Variants in ROBO2 observed in about 807,000 individuals in gnomAD.
The protein encoded by ROBO2 is roundabout homolog 2.
Under a neutral mutation model 160.8 loss-of-function variants are expected in ROBO2, and 53 were observed. The observed-to-expected ratio is 0.33, with a 90% CI of 0.26 to 0.41. The LOEUF (loss-of-function observed/expected upper bound fraction) is 0.41. Ranked by LOEUF, ROBO2 falls within the 10% of genes least tolerant of loss-of-function variation. The pLI is 1.00. For missense variants in ROBO2, 1,577 were observed against 1,722.4 expected (o/e 0.92, Z 1.49); for synonymous variants, 664 against 611.7 (o/e 1.09, Z -1.26).
chr3:76,418,175 G>C (rs1471494933), intron 2 of ROBO2, among the ~76,000 whole-genome samples: 1 of 151,274 alleles, frequency 6.6e-6, no homozygotes, highest in African/African-American at 2.4e-5. Context: ...ATATAACTAG[G>C]GACTTGCCAA....
At chr3:76,359,582 G>T (rs973823784) in intron 2 of ROBO2, among the ~76,000 whole-genome samples, 2 of 151,872 alleles carry the variant, frequency 1.3e-5, no homozygotes, top group African/African-American at 4.8e-5. Flanking sequence ...ATCCATACAG[G>T]TTTTATACAT....
At chr3:76,665,986 GTAA>G (rs2092018992) in intron 2 of ROBO2, among the ~76,000 whole-genome samples, 1 of 134,596 alleles carries the variant, frequency 7.4e-6, no homozygotes, top group African/African-American at 2.8e-5. Context: ...ATATATACAT[GTAA>G]TATATATAAT....
In ROBO2 at chr3:76,766,875, C is replaced by T. The variant is rs147683650; in HGVS notation, c.110-331139C>T. Among the ~76,000 whole-genome samples, 275 of 151,522 alleles carry T rather than the reference C, an allele frequency of 1.8e-3. 1 individual carries two copies. The highest frequency in any genetic ancestry group is 6.4e-3 in the African/African-American group (264 of 41,436). ...GACTATGGAACTGTAGACTGTGTAT[C>T]TTGACTCTAATATTGACTTTCTGAA... On this transcript the variant is annotated intron_variant, in intron 2 of 26. Coordinates refer to the ROBO2 transcript ENST00000487694.
chr3:76,693,511 C>A (rs2107283187), intron 2 of ROBO2, among the ~76,000 whole-genome samples: 1 of 150,796 alleles, frequency 6.6e-6, no homozygotes, highest in East Asian at 2.0e-4. Context: ...AGATGAAATT[C>A]TTTGTGGAAA....
At chr3:76,821,443 C>T (rs768417550) in intron 2 of ROBO2, among the ~76,000 whole-genome samples, 10 of 152,020 alleles carry the variant, frequency 6.6e-5, no homozygotes, top group Admixed American at 1.3e-4. Context: ...AAACTCAATT[C>T]TGTAACTATA....
At chr3:76,810,434 GAT>G (rs1228888026) in intron 2 of ROBO2, among the ~76,000 whole-genome samples, 1 of 91,348 alleles carries the variant, frequency 1.1e-5, no homozygotes, top group East Asian at 3.9e-4. Context: ...ATGTAATAAA[GAT>G]AAACAGAGAA....
chr3:77,590,653 A>G (rs2094158578), intron 17 of ROBO2, among the ~76,000 whole-genome samples: 1 of 152,124 alleles, frequency 6.6e-6, no homozygotes, highest in African/African-American at 2.4e-5. Flanking sequence ...GTTCGGTGCA[A>G]AGTTCTAATA....
chr3:77,217,028 G>T (rs2085066489), intron 2 of ROBO2, among the ~76,000 whole-genome samples: 1 of 152,138 alleles, frequency 6.6e-6, no homozygotes, highest in Non-Finnish European at 1.5e-5. Context: ...GACAGAGCTT[G>T]TCAAGGGAAA....
At chr3:77,061,400 T>A (rs538014144) in intron 1 of ROBO2, among the ~76,000 whole-genome samples, 3 of 152,296 alleles carry the variant, frequency 2.0e-5, no homozygotes, top group Admixed American at 6.5e-5. Context: ...TTACCTTTTT[T>A]AAAATTTTTA....
chr3:76,198,576 C>A (rs1195145716), intron 2 of ROBO2, among the ~76,000 whole-genome samples: 1 of 152,134 alleles, frequency 6.6e-6, no homozygotes, highest in Non-Finnish European at 1.5e-5. Flanking sequence ...GAATCCTCTT[C>A]CCTTACCAGG....
chr3:77,091,799 C>T (rs1235602714), intron 1 of ROBO2, among the ~76,000 whole-genome samples: 1 of 151,650 alleles, frequency 6.6e-6, no homozygotes, highest in Non-Finnish European at 1.5e-5. Context: ...GCCAATATGA[C>T]GAAAATCCGT....
At chr3:77,607,884 C>T (rs1390639524) in exon 21 of ROBO2, 1 of 1,613,760 alleles carries the variant, frequency 6.2e-7, no homozygotes, top group Non-Finnish European at 8.5e-7. Context: ...TGTCCCTCTA[C>T]CTCCCCCCCC....
chr3:77,585,774 C>T (rs1313789506), intron 16 of ROBO2, among the ~76,000 whole-genome samples: 4 of 151,982 alleles, frequency 2.6e-5, no homozygotes, highest in South Asian at 2.1e-4. Context: ...TTGTCTGATG[C>T]CCTTATCTAC....
At chr3:76,942,369 C>G (rs891098423) in intron 2 of ROBO2, among the ~76,000 whole-genome samples, 1 of 152,162 alleles carries the variant, frequency 6.6e-6, no homozygotes, top group African/African-American at 2.4e-5. Flanking sequence ...TAACAACCAG[C>G]CTCCTTTATT....
intron 2 of ROBO2, among the ~76,000 whole-genome samples, chr3:77,322,511 A>G (rs2064826782): frequency 6.6e-6 from 1 of 151,912 alleles, no homozygotes; most frequent in Admixed American, 6.6e-5. Flanking sequence ...AAATTTCTCA[A>G]TTTAAAGGAA....
chr3:77,630,830 G>A (rs1276058190), intron 23 of ROBO2: 3 of 151,880 alleles, frequency 2.0e-5, no homozygotes, highest in Non-Finnish European at 2.9e-5. Context: ...AAATACAAGA[G>A]CAGGCATTTA....
chr3:76,782,489 C>T (rs2108621822), intron 2 of ROBO2, among the ~76,000 whole-genome samples: 1 of 150,572 alleles, frequency 6.6e-6, no homozygotes, highest in East Asian at 2.0e-4. Flanking sequence ...ATTGAAATTC[C>T]CTACGATTAT....
At chr3:77,391,964 T>C (rs2074782117) in intron 2 of ROBO2, among the ~76,000 whole-genome samples, 1 of 152,162 alleles carries the variant, frequency 6.6e-6, no homozygotes, top group African/African-American at 2.4e-5. Context: ...AGACTTAATA[T>C]TTAAAAATCC....
chr3:77,036,174 C>T (rs2063624100), upstream of ROBO2, among the ~76,000 whole-genome samples: 1 of 151,858 alleles, frequency 6.6e-6, no homozygotes, highest in Non-Finnish European at 1.5e-5. Flanking sequence ...ATTATCTAAT[C>T]TTCATTTTTC....
Sources: allele counts gnomAD v4.1 joint callset (sites outside exome capture counted in the v4.1 genomes callset), GRCh38; gene constraint gnomAD v4.1.1; transcripts MANE v1.5; gene names NCBI Gene and HGNC (gene_info 2026-07-23, HGNC 2026-07-21).